FANCD2OS: variants seen among roughly 807,000 people sequenced by gnomAD.
FANCD2OS encodes FANCD2 opposite strand, also known as FANCD2 opposite strand protein.
Under a neutral mutation model 13.2 loss-of-function variants are expected in FANCD2OS, and 11 were observed. The ratio of observed to expected loss-of-function variants is 0.83; its 90% CI spans 0.52 to 1.38. The LOEUF is 1.38. Ranked by LOEUF, FANCD2OS falls within the 40% of genes most tolerant of loss-of-function variation. The pLI, the probability that FANCD2OS is intolerant of heterozygous loss-of-function variation, is 0.00. For synonymous variants in FANCD2OS, 69 were observed against 84.5 expected (o/e 0.82, Z 1.01); for missense variants, 217 against 213.9 (o/e 1.01, Z -0.09).
At chr3:10,088,331 C>T (rs1347270992) in intron 2 of FANCD2OS, 8 of 770,370 alleles carry the variant, frequency 1.0e-5, no homozygotes, top group East Asian at 5.0e-5. Context: ...AGACCGGGAA[C>T]GTCTTAGTAA....
intron 2 of FANCD2OS, chr3:10,093,209 T>G: frequency 1.8e-6 from 2 of 1,101,582 alleles, no homozygotes; most frequent in Non-Finnish European, 2.8e-6. Context: ...AAGCTGTGCT[T>G]TGCGCAGCGG....
chr3:10,098,351 C>T (rs538785998), downstream of FANCD2OS, among the ~76,000 whole-genome samples: 9 of 152,230 alleles, frequency 5.9e-5, no homozygotes, highest in Admixed American at 3.9e-4. Flanking sequence ...CTTTAGCCTC[C>T]GCATGGCCAT....
At chr3:10,082,778 C>T (rs1428346288) in intron 2 of FANCD2OS, among the ~76,000 whole-genome samples, 1 of 152,220 alleles carries the variant, frequency 6.6e-6, no homozygotes, top group East Asian at 1.9e-4. Flanking sequence ...AACTTAATCT[C>T]ATTTTATTAT....
At position 10,104,253 on chromosome 3, in the gene FANCD2OS, C is replaced by G; in HGVS notation, c.522G>C (p.Gln174His). 1 of 1,607,474 alleles carries G rather than the reference C, an allele frequency of 6.2e-7. No homozygotes were observed. Among genetic ancestry groups the G allele is most frequent in the Non-Finnish European group, 8.5e-7 (1 of 1,176,332 alleles). Reference protein sequence around the residue: ...ATYKKCTFALQHSK With the variant: ...ATYKKCTFALHHSK ...AAATGAGGACCCTTTACTTGGAGTG[C>G]TGCAAGGCAAAGGTGCACTTTTTGT... The change falls in exon 2 of 2, where the codon CAG becomes CAC. Residue 174 changes from glutamine (Q) to histidine (H), a missense_variant. By Grantham distance (24) the Gln-to-His change is conservative. Transcript: ENST00000450660.
intron 2 of FANCD2OS, chr3:10,095,141 T>G: frequency 7.0e-7 from 1 of 1,419,382 alleles, no homozygotes; most frequent in Non-Finnish European, 9.9e-7. Context: ...CAAGGGTATC[T>G]TGAATCTAAA....
intron 1 of FANCD2OS, among the ~76,000 whole-genome samples, chr3:10,105,758 AAAAAAAAAAAAAAT>A (rs1435369947): frequency 5.9e-5 from 4 of 67,788 alleles, no homozygotes; most frequent in South Asian, 4.4e-4. Context: ...CTAAAAAAAA[AAAAAAAAAAAAAAT>A]TATATATATA....
At chr3:10,099,193 T>C, downstream of FANCD2OS, 1 of 1,394,162 alleles carries the variant, frequency 7.2e-7, no homozygotes, top group Non-Finnish European at 9.3e-7. Flanking sequence ...CATACAAAAA[T>C]AGAAATGTGA....
At chr3:10,087,343 C>T (rs1037043544) in intron 2 of FANCD2OS, 38 of 1,385,318 alleles carry the variant, frequency 2.7e-5, no homozygotes, top group Non-Finnish European at 3.7e-5. Flanking sequence ...CTTTGGGCTT[C>T]CCAGGACATT....
At chr3:10,095,670 C>T (rs572717119) in intron 2 of FANCD2OS, among the ~76,000 whole-genome samples, 64 of 152,342 alleles carry the variant, frequency 4.2e-4, no homozygotes, top group Middle Eastern at 3.4e-3. Flanking sequence ...TTTCAAGGAA[C>T]TCATCTATGT....
chr3:10,101,761 A>G, downstream of FANCD2OS: 1 of 212,528 alleles, frequency 4.7e-6, no homozygotes, highest in Non-Finnish European at 9.6e-6. Flanking sequence ...TCCCTGGCTC[A>G]GGATTCTAAT....
intron 1 of FANCD2OS, among the ~76,000 whole-genome samples, chr3:10,105,773 TA>T (rs1559415183): frequency 2.8e-3 from 4 of 1,410 alleles, no homozygotes; most frequent in South Asian, 0.014. Flanking sequence ...AAAAAAAAAT[TA>T]TATATATATA....
chr3:10,086,482 G>A (rs1393377767), intron 2 of FANCD2OS, among the ~76,000 whole-genome samples: 1 of 151,944 alleles, frequency 6.6e-6, no homozygotes, highest in Non-Finnish European at 1.5e-5. Context: ...TATAGGTCAG[G>A]ACCTTATATC....
At position 10,081,437 on chromosome 3, in the gene FANCD2OS, T is replaced by C. The variant is rs1330230664; in HGVS notation, c.*138A>G. 3.1e-6 allele frequency: 5 copies of C among 1,613,900 alleles called. No individual in the cohort carries two copies. In the Admixed American group the frequency reaches 8.3e-5, roughly 27 times the overall value. On this transcript the variant is annotated 3_prime_UTR_variant, in exon 3 of 3. Transcript: ENST00000524279. ...ATGTCTTCCTGCTATCAGAGGCTGC[T>C]GCAGATTTTTCATGGGCTTTTTGCT...
rs1336261281 is a variant in FANCD2OS, at chr3:10,104,202, G to T, written c.*39C>A. Reference sequence around the variant, plus strand: ...CTGTAAGCTTTAGGTACATACCAAAGGGCATGGTGTGAGTAAATGGGGATC... The same window carrying T: ...CTGTAAGCTTTAGGTACATACCAAATGGCATGGTGTGAGTAAATGGGGATC... On this transcript the variant is annotated 3_prime_UTR_variant, in exon 2 of 2. Coordinates refer to ENST00000450660, the MANE Select transcript of FANCD2OS (RefSeq NM_001164839.2). 2 of 1,526,214 alleles carry T rather than the reference G, an allele frequency of 1.3e-6. No homozygotes were observed. Among genetic ancestry groups the T allele is most frequent in the South Asian group, 2.5e-5 (2 of 78,622 alleles). The allele number at this position is 1,526,214 out of a possible 1,614,324, so 94.5% of individuals were successfully genotyped here.
At chr3:10,090,199 A>T in intron 2 of FANCD2OS, 1 of 846,170 alleles carries the variant, frequency 1.2e-6, no homozygotes, top group Non-Finnish European at 2.0e-6. Flanking sequence ...TTAGAGAGGT[A>T]GGGAAGGAAG....
At chr3:10,086,044 ACT>A in intron 2 of FANCD2OS, 1 of 720,988 alleles carries the variant, frequency 1.4e-6, no homozygotes, top group Non-Finnish European at 2.6e-6. Flanking sequence ...ATTTTCAGCT[ACT>A]CTCCTCATAT....
chr3:10,102,095 G>A (rs771157552), downstream of FANCD2OS, among the ~76,000 whole-genome samples: 34 of 150,856 alleles, frequency 2.3e-4, no homozygotes, highest in Non-Finnish European at 4.7e-4. Context: ...TCTGAGATGA[G>A]ATATATCTGA....
At chr3:10,082,285 T>C (rs1263774092) in intron 2 of FANCD2OS, among the ~76,000 whole-genome samples, 1 of 152,166 alleles carries the variant, frequency 6.6e-6, no homozygotes, top group Non-Finnish European at 1.5e-5. Context: ...TTTTCTGTTA[T>C]AAATAACATC....
At chr3:10,081,732 C>T (rs1251960378) in intron 2 of FANCD2OS, among the ~76,000 whole-genome samples, 1 of 152,078 alleles carries the variant, frequency 6.6e-6, no homozygotes, top group African/African-American at 2.4e-5. Context: ...TTCCTTAGTC[C>T]AGTTTCCTTT....
Sources: gnomAD v4.1 joint callset for allele counts (sites outside exome capture counted in the v4.1 genomes callset) on GRCh38, gnomAD v4.1.1 for gene constraint, MANE v1.5 for transcripts, NCBI Gene and HGNC (gene_info 2026-07-23, HGNC 2026-07-21) for gene names.